SS18L1: variants seen among roughly 807,000 people sequenced by gnomAD.
The protein encoded by SS18L1 is SS18L1 subunit of BAF chromatin remodeling complex.
A neutral mutation model predicts 70.3 loss-of-function variants in SS18L1; 32 were observed. The ratio of observed to expected loss-of-function variants is 0.46; its 90% CI spans 0.34 to 0.61. The LOEUF (loss-of-function observed/expected upper bound fraction) is 0.61, where lower values mean the gene tolerates loss of function less well. Ranked by LOEUF, SS18L1 falls within the 20% of genes least tolerant of loss-of-function variation. SS18L1 has a pLI of 0.01. For missense variants in SS18L1, 430 were observed against 542.1 expected, an observed-to-expected ratio of 0.79 and a Z score of 2.05; for synonymous variants, 237 against 229.7, an observed-to-expected ratio of 1.03 and a Z score of -0.29.
intron 1 of SS18L1, among the ~76,000 whole-genome samples, chr20:62,145,782 G>A (rs1489025619): frequency 2.0e-5 from 3 of 152,152 alleles, no homozygotes; most frequent in African/African-American, 4.8e-5. Context: ...GTGTTTTGAC[G>A]GTGAATATAT....
intron 1 of SS18L1, among the ~76,000 whole-genome samples, chr20:62,152,016 G>T (rs189414737): frequency 6.1e-4 from 87 of 141,976 alleles, no homozygotes; most frequent in African/African-American, 1.9e-3. Context: ...CTCTTTTCCC[G>T]CTCCCCAGAG....
At chr20:62,175,355 C>G (rs2057603122) in intron 10 of SS18L1, 1 of 985,284 alleles carries the variant, frequency 1.0e-6, no homozygotes, top group African/African-American at 1.7e-5. Flanking sequence ...CGCTTTCCCT[C>G]TGAGTGGGAT....
intron 8 of SS18L1, among the ~76,000 whole-genome samples, chr20:62,170,335 C>G (rs1377987681): frequency 2.0e-5 from 3 of 152,194 alleles, no homozygotes; most frequent in African/African-American, 7.2e-5. Context: ...GAAACCCCGT[C>G]TCTACTAAAA....
chr20:62,171,076 G>C (rs1286096382), intron 8 of SS18L1, among the ~76,000 whole-genome samples: 4 of 151,890 alleles, frequency 2.6e-5, no homozygotes, highest in African/African-American at 4.8e-5. Context: ...TAAATTTTTT[G>C]TATTTTTAGT....
intron 8 of SS18L1, 39 bp downstream of exon 8, chr20:62,165,553 G>A (rs372480235): frequency 8.3e-6 from 13 of 1,570,458 alleles, no homozygotes; most frequent in Middle Eastern, 1.7e-4. Context: ...GAGCGTAAGC[G>A]CCACACGCAG....
At chr20:62,162,293 C>T (rs1020744043) in intron 4 of SS18L1, among the ~76,000 whole-genome samples, 1 of 150,250 alleles carries the variant, frequency 6.7e-6, no homozygotes, top group African/African-American at 2.5e-5. Context: ...ATGTACGCTG[C>T]TTTGTTTTCT....
At chr20:62,155,459 C>T (rs915253750) in intron 1 of SS18L1, among the ~76,000 whole-genome samples, 4 of 152,202 alleles carry the variant, frequency 2.6e-5, no homozygotes, top group African/African-American at 9.7e-5. Flanking sequence ...TAACCTTCAT[C>T]TTTGGATTTT....
chr20:62,166,194 G>A (rs1210149573), intron 8 of SS18L1, among the ~76,000 whole-genome samples: 1 of 152,260 alleles, frequency 6.6e-6, no homozygotes, highest in South Asian at 2.1e-4. Context: ...GGCCCCCAGA[G>A]AAGAGCTGAT....
intron 9 of SS18L1, among the ~76,000 whole-genome samples, chr20:62,173,485 G>A (rs1601053907): frequency 1.3e-5 from 2 of 152,136 alleles, no homozygotes; most frequent in African/African-American, 4.8e-5. Context: ...TGAGGTGGGC[G>A]GATGACCTGA....
In SS18L1 at chr20:62,177,543, A is replaced by T. The variant is rs556995002; in HGVS notation, c.1165-1639A>T. Among the ~76,000 whole-genome samples the T allele has an allele frequency of 9.9e-5, 15 of 151,980 alleles. No homozygotes were observed. The South Asian group carries it at 3.1e-3, about 32-fold the overall frequency. On this transcript the variant is annotated intron_variant, in intron 10 of 10. Transcript: ENST00000331758. ...TCGCTGGGGGCATTCGGGAAATCTGATCATTAACTAGCTGGGGACACATGG... is the reference window on the plus strand; with the variant it reads ...TCGCTGGGGGCATTCGGGAAATCTGTTCATTAACTAGCTGGGGACACATGG...
In SS18L1 at chr20:62,158,740, G is replaced by A. The variant is rs779239836; in HGVS notation, c.138G>A (p.Glu46=). Reference sequence around the variant, plus strand: ...ACCAGAGCAAGGGCAAGACGGCCGAGTGCACGCAGTGAGTGCCCGCCATAC... The same window carrying A: ...ACCAGAGCAAGGGCAAGACGGCCGAATGCACGCAGTGAGTGCCCGCCATAC... ...LEYQSKGKTA[E]CTQYQQILHR... The change falls in exon 2 of 11, where the codon GAG becomes GAA. Residue 46 remains glutamate, a synonymous_variant. Transcript: ENST00000331758. The surrounding 1 kb of genome is among the most constrained non-coding windows in gnomAD (Gnocchi z 4.5). 1.9e-6 allele frequency: 3 copies of A among 1,613,006 alleles called. No individual in the cohort carries two copies. The highest frequency in any genetic ancestry group is 2.5e-6 in the Non-Finnish European group (3 of 1,180,034).
intron 1 of SS18L1, among the ~76,000 whole-genome samples, chr20:62,146,485 A>T (rs1489067201): frequency 2.0e-5 from 3 of 152,110 alleles, no homozygotes; most frequent in Non-Finnish European, 4.4e-5. Context: ...ACAGTTCTGG[A>T]GACCAGAAGT....
rs765756687 is a variant in SS18L1 at position 62,161,656 on chromosome 20, G to A, written c.376+76G>A. Reference sequence around the variant, plus strand: ...AGCCCTTGGGCAGCCGGCTGCCATGGTGGGGCACCCCACCCCTCACAGGGC... The same window carrying A: ...AGCCCTTGGGCAGCCGGCTGCCATGATGGGGCACCCCACCCCTCACAGGGC... On this transcript the variant is annotated intron_variant, in intron 4 of 10. Transcript: ENST00000331758. The surrounding 1 kb of genome is among the most constrained non-coding windows in gnomAD (Gnocchi z 4.4). The A allele has an allele frequency of 1.9e-6, 3 of 1,538,568 alleles. No homozygotes were observed. The highest frequency in any genetic ancestry group is 2.6e-6 in the Non-Finnish European group (3 of 1,138,246).
In SS18L1 at chr20:62,159,543, G is replaced by A. The variant is rs1300368024; in HGVS notation, c.147-334G>A. Among the ~76,000 whole-genome samples, 5 of 152,118 alleles carry A rather than the reference G, an allele frequency of 3.3e-5. No homozygotes were observed. In the East Asian group the frequency reaches 9.6e-4, roughly 29 times the overall value. Reference sequence around the variant, plus strand: ...GGGCTCTGTCCCTCTGTCACCTTCGGGCCCCTGCCTCCTCGTGGCCTCCCC... The same window carrying A: ...GGGCTCTGTCCCTCTGTCACCTTCGAGCCCCTGCCTCCTCGTGGCCTCCCC... On this transcript the variant is annotated intron_variant, in intron 2 of 10. Coordinates refer to ENST00000331758, the MANE Select transcript of SS18L1 (RefSeq NM_198935.3). This position sits in a 1 kb window ranked among gnomAD's most constrained non-coding sequence, Gnocchi z 4.4.
At chr20:62,154,307 G>A (rs923580800) in intron 1 of SS18L1, 3 of 1,040,642 alleles carry the variant, frequency 2.9e-6, no homozygotes, top group African/African-American at 1.7e-5. Flanking sequence ...GCCAGTCATC[G>A]AGTGCCCTTG....
Position 62,163,567 on chromosome 20 carries a change from G to A in SS18L1, c.666G>A (p.Gln222=). 1 of 1,610,118 alleles carries A rather than the reference G, an allele frequency of 6.2e-7. No homozygotes were observed. Among genetic ancestry groups the A allele is most frequent in the Non-Finnish European group, 8.5e-7 (1 of 1,179,570 alleles). The change falls in exon 6 of 11, where the codon CAG becomes CAA. Residue 222 remains glutamine (Q), a synonymous_variant. Transcript: ENST00000331758. ...SSIAMMGQGS[Q]GSSMMGQRPM... ...TCGCCATGATGGGGCAGGGCAGCCA[G>A]GGGAGCAGCATGATGGGGCAGCGGC... is the stretch of plus-strand genomic sequence containing the variant.
intron 9 of SS18L1, among the ~76,000 whole-genome samples, chr20:62,173,378 ATTCAGCCCT>A (rs2057566478): frequency 6.6e-6 from 1 of 152,262 alleles, no homozygotes; most frequent in Admixed American, 6.5e-5. Context: ...TGCTGTGCTT[ATTCAGCCCT>A]TTACAGCCAT....
chr20:62,148,086 C>T (rs752198462), intron 1 of SS18L1, among the ~76,000 whole-genome samples: 7 of 152,194 alleles, frequency 4.6e-5, no homozygotes, highest in Non-Finnish European at 1.0e-4. Flanking sequence ...GTTCCTCCTG[C>T]GATCAGAGGC....
intron 8 of SS18L1, among the ~76,000 whole-genome samples, chr20:62,167,034 G>GATTGTTTTTTT (rs2057444570): frequency 8.1e-6 from 1 of 123,496 alleles, no homozygotes; most frequent in African/African-American, 3.5e-5. Context: ...GAGCTCAGGA[G>GATTGTTTTTTT]TTTGTTTGTT....
Sources: gnomAD v4.1 joint callset for allele counts (sites outside exome capture counted in the v4.1 genomes callset) on GRCh38, gnomAD v4.1.1 for gene constraint, Gnocchi (gnomAD v3.1) non-coding constraint, MANE v1.5 for transcripts, NCBI Gene and HGNC (gene_info 2026-07-23, HGNC 2026-07-21) for gene names.